HEXIM2: variants seen among roughly 807,000 people sequenced by gnomAD.
The protein encoded by HEXIM2 is HEXIM P-TEFb complex subunit 2, also known as protein HEXIM2.
For missense variants in HEXIM2, 413 were observed against 390.8 expected (o/e 1.06, Z -0.48); for synonymous variants, 159 against 162.7 (o/e 0.98, Z 0.17).
At chr17:45,161,316 C>T (rs901980396), upstream of HEXIM2, 1 of 295,964 alleles carries the variant, frequency 3.4e-6, no homozygotes, top group Admixed American at 4.2e-5. Flanking sequence ...GGTTTGAGGA[C>T]CGGGCTCGGC....
In HEXIM2 at chr17:45,169,821, A is replaced by G. The variant is rs897921206; in HGVS notation, c.*12A>G. 11 of 1,430,086 alleles carry G rather than the reference A, an allele frequency of 7.7e-6. No individual in the cohort carries two copies. The highest frequency in any genetic ancestry group is 9.1e-6 in the Non-Finnish European group (10 of 1,094,804). The allele number at this position is 1,430,086 out of a possible 1,614,324, so 88.6% of individuals were successfully genotyped here. On this transcript the variant is annotated 3_prime_UTR_variant, in exon 4 of 4. Coordinates refer to ENST00000589230, the MANE Select transcript of HEXIM2 (RefSeq NM_001303441.2). ...AGCCGGGTACCTAGGGGTGCCTCCC[A>G]GCCTGGTGGACCCAAGGAGAAGGTC...
At chr17:45,160,352 G>A (rs1208734494), upstream of HEXIM2, among the ~76,000 whole-genome samples, 1 of 152,052 alleles carries the variant, frequency 6.6e-6, no homozygotes, top group African/African-American at 2.4e-5. Context: ...AAAAAATTGA[G>A]GTTACCTAGT....
At chr17:45,161,198 G>T (rs1385993543), upstream of HEXIM2, 1 of 357,862 alleles carries the variant, frequency 2.8e-6, no homozygotes, top group Non-Finnish European at 5.5e-6. Context: ...AGACCGCAGA[G>T]GGAAGCCGTT....
chr17:45,169,378 A>G lies in HEXIM2; in HGVS notation c.430A>G (p.Thr144Ala), dbSNP rs759100217. Residue 144 changes from threonine to alanine, a missense_variant, in exon 4 of 4, where the codon ACC becomes GCC. Transcript: ENST00000589230. ...CCAGCCCGTGGCCCCCTACAACACC[A>G]CCCAGTTCCTGATGAATGACAGGGA... Reference protein sequence around the residue: ...KGQPVAPYNTTQFLMNDRDPE... With the variant: ...KGQPVAPYNTAQFLMNDRDPE... 1 of 1,613,696 alleles carries G rather than the reference A, an allele frequency of 6.2e-7. No homozygotes were observed. Among genetic ancestry groups the G allele is most frequent in the South Asian group, 1.1e-5 (1 of 91,058 alleles).
At chr17:45,160,839 C>G (rs939355717), upstream of HEXIM2, 3 of 1,136,194 alleles carry the variant, frequency 2.6e-6, no homozygotes, top group African/African-American at 1.6e-5. Flanking sequence ...TCCAAGTGCC[C>G]CTCTCTAGCT....
rs981589298 is a variant in HEXIM2, at chr17:45,162,042, C to T, written c.-193+11C>T. The T allele has an allele frequency of 1.0e-6, 1 of 983,226 alleles. No homozygotes were observed. The highest frequency in any genetic ancestry group is 1.7e-5 in the African/African-American group (1 of 57,314). 60.9% of individuals were successfully genotyped at this position (983,226 alleles called of 1,614,324 possible). A position where few individuals can be genotyped will look rare whatever the true frequency, so the allele number is the denominator to read the frequency against. On this transcript the variant is annotated intron_variant, in intron 1 of 3. Transcript: ENST00000589230. ...CTTGACAGCGAATAGGTCAGTTCCA[C>T]CTTTGCAAAACCTCTTTCCATGACT...
upstream of HEXIM2, among the ~76,000 whole-genome samples, chr17:45,160,200 T>G (rs1378275603): frequency 6.6e-6 from 1 of 152,232 alleles, no homozygotes; most frequent in East Asian, 1.9e-4. Context: ...GCTACAGCTA[T>G]AATGTAAGGT....
chr17:45,168,164 C>G (rs1391827627), intron 3 of HEXIM2, among the ~76,000 whole-genome samples: 1 of 150,298 alleles, frequency 6.7e-6, no homozygotes, highest in Non-Finnish European at 1.5e-5. Flanking sequence ...GATTACAGGC[C>G]TGAGCCACCA....
chr17:45,162,343 C>A, intron 1 of HEXIM2, 145 bp from the exon 2 acceptor site: 1 of 454,138 alleles, frequency 2.2e-6, no homozygotes, highest in Non-Finnish European at 3.1e-6. Flanking sequence ...GACTCGTGAG[C>A]TTGCTCCATG....
chr17:45,168,224 G>A (rs544607295), intron 3 of HEXIM2, among the ~76,000 whole-genome samples: 49 of 148,224 alleles, frequency 3.3e-4, no homozygotes, highest in Admixed American at 3.2e-3. Flanking sequence ...GCTCACACCT[G>A]TAATCTCAGC....
upstream of HEXIM2, chr17:45,161,092 T>G: frequency 1.8e-6 from 1 of 552,924 alleles, no homozygotes; most frequent in East Asian, 6.8e-5. Flanking sequence ...GAAGTGGGAG[T>G]CCCTCTGTGC....
upstream of HEXIM2, chr17:45,160,858 G>A: frequency 4.0e-6 from 5 of 1,260,980 alleles, no homozygotes; most frequent in African/African-American, 1.5e-5. Flanking sequence ...CTGCTCCCAG[G>A]GGGAATTAGT....
intron 3 of HEXIM2, among the ~76,000 whole-genome samples, chr17:45,163,516 G>A (rs2042760963): frequency 1.3e-5 from 2 of 152,074 alleles, no homozygotes; most frequent in Admixed American, 1.3e-4. Context: ...GTCCAAAGAG[G>A]GCATGGAGGG....
At chr17:45,166,647 G>C (rs1327083023) in intron 3 of HEXIM2, among the ~76,000 whole-genome samples, 2 of 152,172 alleles carry the variant, frequency 1.3e-5, no homozygotes, top group Non-Finnish European at 2.9e-5. Context: ...TCACTAGGGA[G>C]GCGAGATGGG....
chr17:45,164,009 G>C (rs1414611609), intron 3 of HEXIM2, among the ~76,000 whole-genome samples: 1 of 150,720 alleles, frequency 6.6e-6, no homozygotes, highest in Non-Finnish European at 1.5e-5. Context: ...ACAAAAATTA[G>C]ATGGGCGTAA....
rs2042982244 is a variant in HEXIM2, at chr17:45,169,923, C to T, written c.*114C>T. The stretch of plus-strand genomic sequence containing the variant: ...TGAAAACCACCGTCAACACCCTGTG[C>T]GCCCTGAGAACAGCTAAATCGGTTC... On this transcript the variant is annotated 3_prime_UTR_variant, in exon 4 of 4. Transcript: ENST00000589230. 11 of 859,258 alleles carry T rather than the reference C, an allele frequency of 1.3e-5. No homozygotes were observed. Among genetic ancestry groups the T allele is most frequent in the South Asian group, 2.3e-5 (1 of 43,292 alleles). 53.2% of individuals were successfully genotyped at this position (859,258 alleles called of 1,614,324 possible).
chr17:45,163,268 G>A (rs1456850380), intron 3 of HEXIM2, among the ~76,000 whole-genome samples: 1 of 142,304 alleles, frequency 7.0e-6, no homozygotes, highest in African/African-American at 2.6e-5. Flanking sequence ...GGAGGTTGCA[G>A]TGAGCCAAGA....
At chr17:45,163,016 T>C (rs550386191) in intron 3 of HEXIM2, among the ~76,000 whole-genome samples, 157 bp downstream of exon 3, 1 of 152,292 alleles carries the variant, frequency 6.6e-6, no homozygotes, top group South Asian at 2.1e-4. Context: ...TCCCAGTCTA[T>C]GCTAGCTGAT....
At chr17:45,160,962 G>A (rs1192732154), upstream of HEXIM2, 7 of 1,289,492 alleles carry the variant, frequency 5.4e-6, no homozygotes, top group Non-Finnish European at 6.1e-6. Context: ...GGTGCACTGG[G>A]ATCTCCGCTC....
Sources: allele counts gnomAD v4.1 joint callset (sites outside exome capture counted in the v4.1 genomes callset), GRCh38; gene constraint gnomAD v4.1.1; transcripts MANE v1.5; gene names NCBI Gene and HGNC (gene_info 2026-07-23, HGNC 2026-07-21).